The following FER1L6 variants were observed in gnomAD, a reference collection of about 807,000 sequenced individuals.
FER1L6 encodes the protein fer-1-like protein 6.
A neutral mutation model predicts 219.2 loss-of-function variants in FER1L6; 177 were observed. The observed-to-expected ratio is 0.81, with a 90% CI of 0.71 to 0.91. The LOEUF is 0.91. Ranked by LOEUF, FER1L6 falls within the 40% of genes least tolerant of loss-of-function variation. The probability of loss-of-function intolerance (pLI) is 0.00; values close to 1 mark genes in which losing one functional copy is unlikely to be tolerated. For missense variants in FER1L6, 2,153 were observed against 2,259.9 expected (o/e 0.95, Z 0.96); for synonymous variants, 768 against 824.3 (o/e 0.93, Z 1.17).
chr8:123,932,170 G>T (rs539350092), intron 1 of FER1L6, among the ~76,000 whole-genome samples: 2 of 152,084 alleles, frequency 1.3e-5, no homozygotes, highest in Non-Finnish European at 2.9e-5. Flanking sequence ...GTGCAGTGGC[G>T]TGATGTCGAC....
chr8:123,929,707 A>C (rs751506126), intron 1 of FER1L6, among the ~76,000 whole-genome samples: 45 of 152,200 alleles, frequency 3.0e-4, no homozygotes, highest in Non-Finnish European at 5.1e-4. Flanking sequence ...AAGGAAGGGA[A>C]GACATCAGGG....
In FER1L6 at chr8:123,865,986, C is replaced by T. The variant is rs371472194; in HGVS notation, c.-8+13801C>T. Among the ~76,000 whole-genome samples the T allele has an allele frequency of 3.6e-4, 55 of 151,334 alleles. No individual in the cohort carries two copies. In the East Asian group the frequency reaches 9.7e-3, roughly 27 times the overall value. On this transcript the variant is annotated intron_variant, in intron 1 of 40. Coordinates refer to ENST00000522917, the MANE Select transcript of FER1L6 (RefSeq NM_001039112.2). Reference sequence around the variant, plus strand: ...GCTGTAGACCGGAGCTGTTCCTATTCGGCCATCTTGGCTCCTCCCCCCCAC... The same window carrying T: ...GCTGTAGACCGGAGCTGTTCCTATTTGGCCATCTTGGCTCCTCCCCCCCAC...
intron 1 of FER1L6, among the ~76,000 whole-genome samples, chr8:123,922,972 G>GC (rs5894679): frequency 0.022 from 3,351 of 151,026 alleles, 83 homozygotes; most frequent in African/African-American, 0.062. Flanking sequence ...GATTTATACA[G>GC]CCCCCCCCCA....
intron 3 of FER1L6, among the ~76,000 whole-genome samples, chr8:123,965,118 G>A (rs1224282554): frequency 6.6e-6 from 1 of 152,080 alleles, no homozygotes. Context: ...AACCCTATGT[G>A]GTAGGAATTC....
In FER1L6 at chr8:124,035,347, T is replaced by C; in HGVS notation, c.2357T>C (p.Ile786Thr). 2.5e-6 allele frequency: 4 copies of C among 1,614,102 alleles called. No individual in the cohort carries two copies. The highest frequency in any genetic ancestry group is 3.4e-6 in the Non-Finnish European group (4 of 1,179,986). ...KVDVYLWLGSIKHASAILDNL... is the reference protein window; with the variant it reads ...KVDVYLWLGSTKHASAILDNL... ...GACGTGTACCTGTGGCTGGGCTCCA[T>C]CAAGCATGCCAGTGCCATTTTGGAC... Residue 786 changes from isoleucine (I) to threonine (T), a missense_variant, in exon 19 of 41, where the codon ATC becomes ACC. Physicochemically the swap from Ile to Thr is moderately conservative, Grantham distance 89. Coordinates refer to ENST00000522917, the MANE Select transcript of FER1L6 (RefSeq NM_001039112.2).
At chr8:123,954,437 A>T (rs532902122) in intron 1 of FER1L6, among the ~76,000 whole-genome samples, 14 of 152,312 alleles carry the variant, frequency 9.2e-5, no homozygotes, top group African/African-American at 1.7e-4. Context: ...TATCTGAATT[A>T]AAAAAAGCAG....
intron 32 of FER1L6, among the ~76,000 whole-genome samples, chr8:124,076,573 A>AT (rs796630583): frequency 7.9e-5 from 12 of 151,804 alleles, no homozygotes; most frequent in Non-Finnish European, 1.6e-4. Flanking sequence ...CTTTACTGTA[A>AT]TTTTTTTCTT....
At chr8:123,866,225 G>A (rs181539955) in intron 1 of FER1L6, among the ~76,000 whole-genome samples, 2 of 151,726 alleles carry the variant, frequency 1.3e-5, no homozygotes, top group Admixed American at 6.6e-5. Flanking sequence ...TACTTAGCAC[G>A]GTGTCCTTCC....
At chr8:123,972,680 G>T (rs1450363165) in intron 6 of FER1L6, among the ~76,000 whole-genome samples, 1 of 152,152 alleles carries the variant, frequency 6.6e-6, no homozygotes, top group East Asian at 1.9e-4. Context: ...CATAGAGGGG[G>T]ACTTGCTCTC....
intron 26 of FER1L6, among the ~76,000 whole-genome samples, chr8:124,065,007 AC>A (rs1161058989): frequency 6.6e-6 from 1 of 152,222 alleles, no homozygotes; most frequent in African/African-American, 2.4e-5. Context: ...ACAAAGAACC[AC>A]AAAACAAGGA....
At chr8:124,098,656 A>G (rs1040799523) in intron 37 of FER1L6, among the ~76,000 whole-genome samples, 50 of 152,226 alleles carry the variant, frequency 3.3e-4, no homozygotes, top group African/African-American at 1.0e-3. Flanking sequence ...AACAGACTTA[A>G]GAGCCTCTGA....
At chr8:124,092,104 T>G (rs1215840655) in intron 34 of FER1L6, among the ~76,000 whole-genome samples, 1 of 152,184 alleles carries the variant, frequency 6.6e-6, no homozygotes. Context: ...CTTGCACTTG[T>G]CTGTGACTTG....
intron 32 of FER1L6, among the ~76,000 whole-genome samples, chr8:124,079,270 C>A (rs541713558): frequency 2.0e-5 from 3 of 152,304 alleles, no homozygotes; most frequent in South Asian, 4.1e-4. Flanking sequence ...TTTTGAGGTG[C>A]TGGATCTGGA....
At chr8:123,964,289 T>C (rs1168417336) in intron 3 of FER1L6, among the ~76,000 whole-genome samples, 2 of 152,232 alleles carry the variant, frequency 1.3e-5, no homozygotes, top group Non-Finnish European at 2.9e-5. Context: ...TTTATGTCAA[T>C]TTCTTACTTG....
At chr8:124,080,697 G>A (rs1433402543) in intron 32 of FER1L6, among the ~76,000 whole-genome samples, 6 of 152,148 alleles carry the variant, frequency 3.9e-5, no homozygotes, top group Non-Finnish European at 8.8e-5. Flanking sequence ...TTGGGGAGAT[G>A]GGCCAGGGTG....
chr8:124,097,976 C>A (rs1822383899), intron 37 of FER1L6, 93 bp downstream of exon 37: 3 of 665,138 alleles, frequency 4.5e-6, no homozygotes, highest in Non-Finnish European at 8.1e-6. Flanking sequence ...GGATACTAAA[C>A]CCACAGCCCA....
At chr8:124,119,376 C>T (rs1396167582) in intron 40 of FER1L6, among the ~76,000 whole-genome samples, 4 of 152,050 alleles carry the variant, frequency 2.6e-5, no homozygotes, top group Non-Finnish European at 5.9e-5. Context: ...GGGCTGGGTT[C>T]TAACTGGACT....
At chr8:123,915,800 A>G (rs1244120594) in intron 1 of FER1L6, among the ~76,000 whole-genome samples, 1 of 152,170 alleles carries the variant, frequency 6.6e-6, no homozygotes, top group African/African-American at 2.4e-5. Flanking sequence ...ATGCATCTAA[A>G]CTGAGAAGAG....
At chr8:124,079,376 C>A (rs1288328500) in intron 32 of FER1L6, among the ~76,000 whole-genome samples, 1 of 152,158 alleles carries the variant, frequency 6.6e-6, no homozygotes, top group Non-Finnish European at 1.5e-5. Flanking sequence ...TGCTCTTAAG[C>A]TTTTTCTACT....
Sources: allele counts gnomAD v4.1 joint callset (sites outside exome capture counted in the v4.1 genomes callset), GRCh38; gene constraint gnomAD v4.1.1; transcripts MANE v1.5; gene names NCBI Gene and HGNC (gene_info 2026-07-23, HGNC 2026-07-21).